NKAIN3: variants seen among roughly 807,000 people sequenced by gnomAD.
NKAIN3 encodes the protein sodium/potassium-transporting ATPase subunit beta-1-interacting protein 3.
Under a neutral mutation model 30.2 loss-of-function variants are expected in NKAIN3, and 25 were observed. The observed-to-expected ratio is 0.83, with a 90% CI of 0.60 to 1.16. The LOEUF (loss-of-function observed/expected upper bound fraction) is 1.16. NKAIN3 is among the 50% of genes most tolerant of loss of function. NKAIN3 has a pLI of 0.00. For synonymous variants in NKAIN3, 91 were observed against 89.6 expected, an observed-to-expected ratio of 1.02 and a Z score of -0.09; for missense variants, 225 against 254.1, an observed-to-expected ratio of 0.89 and a Z score of 0.78.
At chr8:62,917,003 T>C (rs925397670) in intron 4 of NKAIN3, among the ~76,000 whole-genome samples, 1 of 152,050 alleles carries the variant, frequency 6.6e-6, no homozygotes, top group African/African-American at 2.4e-5. Context: ...TTTGCCACTT[T>C]GCACCCCTAC....
intron 4 of NKAIN3, among the ~76,000 whole-genome samples, chr8:62,757,586 C>T (rs1000307113): frequency 6.6e-6 from 1 of 152,116 alleles, no homozygotes; most frequent in Non-Finnish European, 1.5e-5. Context: ...CTTAATTTCT[C>T]AGTGCCATGA....
At chr8:62,695,992 T>A (rs16929425) in intron 3 of NKAIN3, among the ~76,000 whole-genome samples, 50,006 of 151,974 alleles carry the variant, frequency 0.33, 11,835 homozygotes, top group African/African-American at 0.67. Context: ...ATGCACACAC[T>A]TATAGTGCAC....
intron 4 of NKAIN3, among the ~76,000 whole-genome samples, chr8:62,909,688 T>A (rs988008254): frequency 2.2e-5 from 3 of 133,776 alleles, no homozygotes; most frequent in Admixed American, 8.0e-5. Context: ...GCAGTTTGGT[T>A]AATCACAATA....
chr8:62,903,954 C>T (rs376437735), intron 4 of NKAIN3, among the ~76,000 whole-genome samples: 15 of 152,266 alleles, frequency 9.9e-5, no homozygotes, highest in African/African-American at 3.6e-4. Flanking sequence ...CTGGTCCCAC[C>T]TTTGACACAT....
At chr8:62,324,571 A>AT (rs1160533986) in intron 1 of NKAIN3, among the ~76,000 whole-genome samples, 3 of 152,164 alleles carry the variant, frequency 2.0e-5, no homozygotes, top group Non-Finnish European at 2.9e-5. Flanking sequence ...TATGTAATGC[A>AT]TATTTTGTCA....
intron 1 of NKAIN3, among the ~76,000 whole-genome samples, chr8:62,285,487 G>A (rs1471991258): frequency 1.3e-5 from 2 of 152,120 alleles, no homozygotes; most frequent in Non-Finnish European, 2.9e-5. Flanking sequence ...CAGATTATGT[G>A]GAGGAACTCT....
intron 3 of NKAIN3, among the ~76,000 whole-genome samples, chr8:62,638,521 A>AATTG (rs1812204948): frequency 6.6e-6 from 1 of 152,166 alleles, no homozygotes; most frequent in Non-Finnish European, 1.5e-5. Flanking sequence ...CTTGTGATTG[A>AATTG]AACGTCTACA....
At chr8:62,414,497 A>G (rs565375442) in intron 1 of NKAIN3, among the ~76,000 whole-genome samples, 3 of 152,330 alleles carry the variant, frequency 2.0e-5, no homozygotes, top group African/African-American at 7.2e-5. Context: ...AGTTAGCAAC[A>G]ATTCTGCTGT....
intron 1 of NKAIN3, among the ~76,000 whole-genome samples, chr8:62,533,150 G>A (rs1325387944): frequency 6.6e-6 from 1 of 152,144 alleles, no homozygotes; most frequent in African/African-American, 2.4e-5. Context: ...AAGAAAACAG[G>A]AAATGAAGGA....
At chr8:62,273,134 T>C (rs1812827382) in intron 1 of NKAIN3, among the ~76,000 whole-genome samples, 1 of 152,214 alleles carries the variant, frequency 6.6e-6, no homozygotes, top group Non-Finnish European at 1.5e-5. Flanking sequence ...TCTTGGGCCA[T>C]AGTTTGCTGA....
intron 5 of NKAIN3, among the ~76,000 whole-genome samples, chr8:62,943,253 G>A (rs995686189): frequency 6.6e-6 from 1 of 151,952 alleles, no homozygotes; most frequent in African/African-American, 2.4e-5. Context: ...ATTCTAAAAA[G>A]AAGATACGCA....
At chr8:62,639,386 TAG>T (rs1812233384) in intron 3 of NKAIN3, among the ~76,000 whole-genome samples, 1 of 152,028 alleles carries the variant, frequency 6.6e-6, no homozygotes, top group Admixed American at 6.6e-5. Flanking sequence ...CCCATGTGGC[TAG>T]AGAGACAGAA....
chr8:62,773,385 C>G (rs1817085621), intron 4 of NKAIN3, among the ~76,000 whole-genome samples: 1 of 152,006 alleles, frequency 6.6e-6, no homozygotes, highest in Non-Finnish European at 1.5e-5. Context: ...AGATTTAATC[C>G]TGGGTTCTCT....
chr8:62,919,074 GA>G (rs1489531271), intron 5 of NKAIN3, among the ~76,000 whole-genome samples: 1 of 151,572 alleles, frequency 6.6e-6, no homozygotes, highest in Non-Finnish European at 1.5e-5. Context: ...ACACCCAAAG[GA>G]AAAACATTTA....
intron 3 of NKAIN3, among the ~76,000 whole-genome samples, chr8:62,654,134 A>G (rs1812701131): frequency 6.6e-6 from 1 of 151,456 alleles, no homozygotes; most frequent in Admixed American, 6.6e-5. Flanking sequence ...AATATTTTGT[A>G]ACATCAGCAA....
chr8:62,652,059 C>T (rs1041606059), intron 3 of NKAIN3, among the ~76,000 whole-genome samples: 3 of 152,082 alleles, frequency 2.0e-5, no homozygotes, highest in Admixed American at 6.6e-5. Flanking sequence ...GCAAAAGGGG[C>T]AAGGAAGCTC....
chr8:62,582,511 G>A (rs745730776), intron 2 of NKAIN3, among the ~76,000 whole-genome samples: 2 of 152,126 alleles, frequency 1.3e-5, no homozygotes, highest in Non-Finnish European at 2.9e-5. Context: ...CCTGCAGGGA[G>A]CTGAGAGCTG....
chr8:62,558,121 C>G (rs1450888610), intron 1 of NKAIN3, among the ~76,000 whole-genome samples: 1 of 152,092 alleles, frequency 6.6e-6, no homozygotes, highest in African/African-American at 2.4e-5. Context: ...CATTCTCTTC[C>G]ATGTGGCTTG....
chr8:62,915,292 A>T lies in NKAIN3; in HGVS notation c.472-3161A>T, dbSNP rs146661089. On this transcript the variant is annotated intron_variant, in intron 4 of 6. Coordinates refer to ENST00000623646, the MANE Select transcript of NKAIN3 (RefSeq NM_001304533.3). The stretch of plus-strand genomic sequence containing the variant: ...GATAAAATTGATTGATAATCATGTG[A>T]CCTTAACATGGAGGAATTGTCCTAA... Among the ~76,000 whole-genome samples the T allele has an allele frequency of 3.7e-4, 57 of 152,300 alleles. No homozygotes were observed. The East Asian group carries it at 9.5e-3, about 25-fold the overall frequency.
Sources: gnomAD v4.1 joint callset for allele counts (sites outside exome capture counted in the v4.1 genomes callset) on GRCh38, gnomAD v4.1.1 for gene constraint, MANE v1.5 for transcripts, NCBI Gene and HGNC (gene_info 2026-07-23, HGNC 2026-07-21) for gene names.